Variants in PER2 observed in about 807,000 individuals in gnomAD.
PER2 encodes the protein period circadian protein homolog 2.
PER2 carries 66 observed loss-of-function variants against 121.0 expected under a neutral mutation model. The ratio of observed to expected loss-of-function variants is 0.55; its 90% CI spans 0.45 to 0.67. PER2 has a LOEUF of 0.67. PER2 is among the 30% of genes least tolerant of loss of function. PER2 has a pLI of 0.00. For missense variants in PER2, 1,521 were observed against 1,635.0 expected (o/e 0.93, Z 1.20); for synonymous variants, 684 against 659.9 (o/e 1.04, Z -0.56).
chr2:238,267,568 T>C (rs1260139557), intron 8 of PER2, among the ~76,000 whole-genome samples: 2 of 152,052 alleles, frequency 1.3e-5, no homozygotes, highest in Non-Finnish European at 2.9e-5. Flanking sequence ...CAGGAAAAGT[T>C]AGGATGGGCC....
intron 4 of PER2, among the ~76,000 whole-genome samples, chr2:238,274,575 C>G (rs563037937): frequency 6.6e-6 from 1 of 152,350 alleles, no homozygotes; most frequent in Non-Finnish European, 1.5e-5. Context: ...TAGAGGCCAA[C>G]AGGGAAACAC....
At chr2:238,280,649 C>T (rs1000932322) in intron 1 of PER2, among the ~76,000 whole-genome samples, 7 of 152,082 alleles carry the variant, frequency 4.6e-5, no homozygotes, top group Non-Finnish European at 8.8e-5. Context: ...AGATGCGTGA[C>T]AGACTTTTAA....
intron 1 of PER2, among the ~76,000 whole-genome samples, chr2:238,285,612 G>A (rs1696758710): frequency 1.3e-5 from 2 of 152,090 alleles, no homozygotes; most frequent in South Asian, 4.1e-4. Context: ...ATCACCAGAG[G>A]AGTCCCACCT....
rs1223208724 is a variant in PER2, at chr2:238,249,155, G to C, written c.3525C>G (p.Leu1175=). 6.2e-7 allele frequency: 1 copy of C among 1,614,010 alleles called. No homozygotes were observed. Among genetic ancestry groups the C allele is most frequent in the Admixed American group, 1.7e-5 (1 of 60,026 alleles). The part of the protein sequence containing the change: ...DREKLKLLQK[L]QPRFTESQKQ... ...TCTGACTCTCCGTGAACCTGGGCTGGAGTTTCTGTAGGAGCTTCAGCTTCT... is the reference window on the plus strand; with the variant it reads ...TCTGACTCTCCGTGAACCTGGGCTGCAGTTTCTGTAGGAGCTTCAGCTTCT... The change falls in exon 22 of 23, where the codon CTC becomes CTG. Residue 1175 remains leucine, a synonymous_variant. Coordinates refer to ENST00000254657, the MANE Select transcript of PER2 (RefSeq NM_022817.3).
At chr2:238,249,727 G>A (rs1159962936) in intron 21 of PER2, among the ~76,000 whole-genome samples, 1 of 152,224 alleles carries the variant, frequency 6.6e-6, no homozygotes, top group African/African-American at 2.4e-5. Context: ...TGGATCATGG[G>A]GGCGGTTCCC....
upstream of PER2, chr2:238,289,441 C>A (rs1362234857): frequency 6.6e-6 from 1 of 152,224 alleles, no homozygotes; most frequent in Non-Finnish European, 1.5e-5. Flanking sequence ...ACCAAGTGAC[C>A]TTTCTTATTT....
rs143757961 is a variant in PER2, at chr2:238,258,354, C to T, written c.1822G>A (p.Glu608Lys). 52 of 1,614,182 alleles carry T rather than the reference C, an allele frequency of 3.2e-5. No individual in the cohort carries two copies. The highest frequency in any genetic ancestry group is 1.3e-4 in the East Asian group (6 of 44,888). Residue 608 changes from glutamate to lysine, a missense_variant, in exon 16 of 23, where the codon GAG (glutamate) becomes AAG (lysine). Transcript: ENST00000254657. ...NEAATLKRKC[E>K]FPANVPALRS... ...AGCGCTGGGACGTTTGCTGGGAACT[C>T]GCATTTCCTCTTCAGGGTGGCAGCC...
upstream of PER2, among the ~76,000 whole-genome samples, chr2:238,295,009 C>T (rs917389918): frequency 2.0e-5 from 3 of 152,228 alleles, no homozygotes; most frequent in African/African-American, 7.2e-5. Flanking sequence ...TCACAGTGCC[C>T]TCCTTGGGAG....
intron 21 of PER2, 107 bp from the exon 22 acceptor site, chr2:238,249,319 TCC>T (rs1409974976): frequency 1.4e-5 from 17 of 1,211,022 alleles, no homozygotes; most frequent in Non-Finnish European, 1.2e-6. Flanking sequence ...AATGCAAATT[TCC>T]TTTTCTTTAA....
the PER2 span, chr2:238,298,323 C>T: frequency 0.042 from 6,448 of 152,364 alleles, 408 homozygotes; most frequent in African/African-American, 0.13. Context: ...CGTGAGCCAC[C>T]GCGCCCGGCC....
At chr2:238,256,804 G>A (rs1695774954) in intron 17 of PER2, 118 bp downstream of exon 17, 4 of 1,054,222 alleles carry the variant, frequency 3.8e-6, no homozygotes, top group African/African-American at 1.6e-5. Flanking sequence ...TTCCTGAAAC[G>A]CCCCCTATCG....
rs116917446 is a variant in PER2 at position 238,266,956 on chromosome 2, G to A, written c.967+1100C>T. Reference sequence around the variant, plus strand: ...CCCAGGTACTTGGGAGGCTGAGGCAGGAGAATTGTAGAATCCAGGAGGCGG... The same window carrying A: ...CCCAGGTACTTGGGAGGCTGAGGCAAGAGAATTGTAGAATCCAGGAGGCGG... On this transcript the variant is annotated intron_variant, in intron 8 of 22. Transcript: ENST00000254657. Among the ~76,000 whole-genome samples the A allele has an allele frequency of 1.4e-3, 206 of 151,648 alleles. 1 individual carries two copies. The East Asian group carries it at 0.038, about 28-fold the overall frequency.
chr2:238,256,826 A>G, intron 17 of PER2, 96 bp downstream of exon 17: 1 of 1,247,180 alleles, frequency 8.0e-7, no homozygotes, highest in African/African-American at 1.5e-5. Context: ...GCTATGGTGG[A>G]GTTCTTCTGC....
rs200322649 is a variant in PER2 at position 238,253,197 on chromosome 2, G to A, written c.2826C>T (p.Ala942=). Residue 942 remains alanine, a synonymous_variant, in exon 19 of 23, where the codon GCC becomes GCT. Coordinates refer to ENST00000254657, the MANE Select transcript of PER2 (RefSeq NM_022817.3). This position sits in a 1 kb window ranked among gnomAD's most constrained non-coding sequence, Gnocchi z 5.6. ...PSHPTLTSEM[A]SASQPEFPSR... ...TGGGGAACTCAGGCTGTGAGGCAGA[G>A]GCCATCTCGGATGTGAGTGTGGGGT... 24 of 1,594,602 alleles carry A rather than the reference G, an allele frequency of 1.5e-5. No homozygotes were observed. The East Asian group carries it at 4.3e-4, about 28-fold the overall frequency.
chr2:238,248,907 G>A (rs908006549), intron 22 of PER2, 155 bp downstream of exon 22: 5 of 787,278 alleles, frequency 6.4e-6, no homozygotes, highest in South Asian at 2.7e-5. Flanking sequence ...CACCCGCTTC[G>A]GCCTCCCAAA....
intron 4 of PER2, among the ~76,000 whole-genome samples, chr2:238,274,698 C>A (rs1397853090): frequency 1.3e-5 from 2 of 152,200 alleles, no homozygotes; most frequent in African/African-American, 4.8e-5. Flanking sequence ...AGGCCCAGAG[C>A]GGTGCCCTCC....
upstream of PER2, chr2:238,289,201 C>T (rs911187597): frequency 1.3e-5 from 2 of 152,206 alleles, no homozygotes; most frequent in African/African-American, 4.8e-5. Flanking sequence ...AGACCTCCAC[C>T]TCCGGCCACC....
chr2:238,296,084 C>CCACGGACACGGGCAGACATTCCCGGGCA, the PER2 span, among the ~76,000 whole-genome samples: 7 of 55,220 alleles, frequency 1.3e-4, no homozygotes, highest in Non-Finnish European at 3.7e-5. Flanking sequence ...CGTGTGCCCT[C>CCACGGACACGGGCAGACATTCCCGGGCA]CTGCTGCAGA....
chr2:238,273,262 C>A, intron 4 of PER2, 71 bp from the exon 5 acceptor site: 1 of 1,507,992 alleles, frequency 6.6e-7, no homozygotes, highest in Non-Finnish European at 9.1e-7. Context: ...CTAGCTCTTA[C>A]AAACTGAGGG....
Sources: gnomAD v4.1 joint callset for allele counts (sites outside exome capture counted in the v4.1 genomes callset) on GRCh38, gnomAD v4.1.1 for gene constraint, Gnocchi (gnomAD v3.1) non-coding constraint, MANE v1.5 for transcripts, NCBI Gene and HGNC (gene_info 2026-07-23, HGNC 2026-07-21) for gene names.